Variants in FLT1 observed in about 807,000 individuals in gnomAD.
The protein encoded by FLT1 is fms related receptor tyrosine kinase 1.
In FLT1, 49 loss-of-function variants were observed where a neutral mutation model predicts 156.3. The observed-to-expected ratio is 0.31, with a 90% CI of 0.25 to 0.40. FLT1 has a LOEUF of 0.40. Among genes scored for constraint, FLT1 ranks in the 10% least tolerant of loss-of-function variants. FLT1 has a pLI of 1.00. For synonymous variants in FLT1, 594 were observed against 583.8 expected, an observed-to-expected ratio of 1.02 and a Z score of -0.25; for missense variants, 1,322 against 1,637.2, an observed-to-expected ratio of 0.81 and a Z score of 3.32.
chr13:28,328,748 T>A (rs1871798418), intron 19 of FLT1, among the ~76,000 whole-genome samples: 1 of 152,234 alleles, frequency 6.6e-6, no homozygotes, highest in Non-Finnish European at 1.5e-5. Context: ...GGCGCCCAGC[T>A]GCACGGAGCT....
chr13:28,468,788 G>T (rs1376163418), intron 1 of FLT1, among the ~76,000 whole-genome samples: 9 of 152,176 alleles, frequency 5.9e-5, no homozygotes, highest in Non-Finnish European at 1.2e-4. Context: ...TCACTGGAAG[G>T]CAAGCAGATG....
chr13:28,325,374 G>A (rs1277865310), intron 20 of FLT1, among the ~76,000 whole-genome samples: 2 of 152,148 alleles, frequency 1.3e-5, no homozygotes, highest in African/African-American at 4.8e-5. Flanking sequence ...CAGTGGAGGA[G>A]GAGTCAAGAG....
rs116043366 is a variant in FLT1 at position 28,310,639 on chromosome 13, A to G, written c.3635+951T>C. 7.7e-3 allele frequency among the ~76,000 whole-genome samples: 1,174 copies of G among 152,312 alleles called. 20 individuals carry two copies. The highest frequency in any genetic ancestry group is 0.026 in the African/African-American group (1,082 of 41,556). On this transcript the variant is annotated intron_variant, in intron 27 of 29. Coordinates refer to ENST00000282397, the MANE Select transcript of FLT1 (RefSeq NM_002019.4). ...CCCGGGCCAGCAGTGGCCACAGTACATATTTGTTCCCTTGCCTTGCCCCTT... is the reference window on the plus strand; with the variant it reads ...CCCGGGCCAGCAGTGGCCACAGTACGTATTTGTTCCCTTGCCTTGCCCCTT...
At chr13:28,368,011 G>C (rs563648237) in intron 14 of FLT1, 5 of 252,936 alleles carry the variant, frequency 2.0e-5, no homozygotes, top group Non-Finnish European at 3.1e-5. Context: ...TATTATGTTT[G>C]TTTTTCAAAG....
Position 28,357,572 on chromosome 13 carries a change from C to T in FLT1, c.2230G>A (p.Ala744Thr), listed in dbSNP as rs768899870. ...TGTTTACCTTGAACAGTGAGGTATG[C>T]TGAACTTTCCACAGAGCCCTTCTGG... ...TNQKGSVESS[A>T]YLTVQGTSDK... is the part of the protein sequence containing the mutation. The change falls in exon 15 of 30, where the codon GCA becomes ACA. Residue 744 changes from alanine (A) to threonine (T), a missense_variant. Coordinates refer to ENST00000282397, the MANE Select transcript of FLT1 (RefSeq NM_002019.4). 1 of 1,614,128 alleles carries T rather than the reference C, an allele frequency of 6.2e-7. No individual in the cohort carries two copies. The highest frequency in any genetic ancestry group is 8.5e-7 in the Non-Finnish European group (1 of 1,179,974).
rs1328982707 is a variant in FLT1 at position 28,386,210 on chromosome 13, C to T, written c.1970-1179G>A. 7 of 1,053,854 alleles carry T rather than the reference C, an allele frequency of 6.6e-6. No homozygotes were observed. The African/African-American group carries it at 8.3e-5, about 12-fold the overall frequency. The allele number at this position is 1,053,854 out of a possible 1,614,324, so 65.3% of individuals were successfully genotyped here. ...ATTGCAATGGCCTTAATTCCATGTC[C>T]CTGCAGGGTTCTGCCACGTCCCAAA... On this transcript the variant is annotated intron_variant, in intron 13 of 29. Coordinates refer to ENST00000282397, the MANE Select transcript of FLT1 (RefSeq NM_002019.4).
chr13:28,344,752 T>G (rs1872494996), intron 16 of FLT1, among the ~76,000 whole-genome samples: 1 of 151,456 alleles, frequency 6.6e-6, no homozygotes, highest in South Asian at 2.1e-4. Context: ...TTATTTTTAC[T>G]TCCAATATGT....
chr13:28,468,445 C>G (rs970303555), intron 1 of FLT1, among the ~76,000 whole-genome samples: 3 of 152,194 alleles, frequency 2.0e-5, no homozygotes, highest in Non-Finnish European at 4.4e-5. Flanking sequence ...ATCTCTCTTT[C>G]CAGATCTCAG....
At chr13:28,429,939 G>T in intron 8 of FLT1, 111 bp downstream of exon 8, 1 of 820,010 alleles carries the variant, frequency 1.2e-6, no homozygotes, top group Non-Finnish European at 2.2e-6. Context: ...CTCTGGGGCT[G>T]TCTGAGGAAC....
At chr13:28,378,565 A>G (rs1266861117) in intron 14 of FLT1, among the ~76,000 whole-genome samples, 1 of 152,024 alleles carries the variant, frequency 6.6e-6, no homozygotes, top group Non-Finnish European at 1.5e-5. Context: ...TTGGAGGGCT[A>G]CTCACTAACT....
intron 19 of FLT1, 37 bp downstream of exon 19, chr13:28,329,578 A>C (rs773110468): frequency 7.1e-6 from 10 of 1,399,450 alleles, no homozygotes; most frequent in African/African-American, 1.4e-5. Context: ...CAGCCTGTGC[A>C]GGGGGAGACG....
intron 12 of FLT1, among the ~76,000 whole-genome samples, chr13:28,391,267 T>C (rs547248777): frequency 1.3e-5 from 2 of 152,272 alleles, no homozygotes; most frequent in African/African-American, 4.8e-5. Context: ...CTAATCTTTG[T>C]TATAAGAAAA....
chr13:28,348,631 C>G (rs926821555), intron 15 of FLT1, among the ~76,000 whole-genome samples: 5 of 152,014 alleles, frequency 3.3e-5, no homozygotes, highest in East Asian at 3.9e-4. Context: ...GTTTAGGGGC[C>G]GGGCGCGGTG....
In FLT1 at chr13:28,378,380, A is replaced by C. The variant is rs903645140; in HGVS notation, c.2116+6505T>G. On this transcript the variant is annotated intron_variant, in intron 14 of 29. Transcript: ENST00000282397. The stretch of plus-strand genomic sequence containing the variant: ...ATCTTTAAGGGCTGAGAATGAGCAG[A>C]TATTCATTGTTTTAAATACATGTTT... Among the ~76,000 whole-genome samples, 4 of 152,124 alleles carry C rather than the reference A, an allele frequency of 2.6e-5. 1 individual carries two copies. In the South Asian group the frequency reaches 8.3e-4, roughly 31 times the overall value.
intron 28 of FLT1, among the ~76,000 whole-genome samples, chr13:28,307,817 GCTA>G (rs5802472): frequency 0.96 from 146,253 of 151,840 alleles, 70,684 homozygotes; most frequent in East Asian, 1. Flanking sequence ...CGCCCAGGCT[GCTA>G]GAGTGCAGTG....
chr13:28,410,971 T>C (rs1332515218), intron 10 of FLT1, among the ~76,000 whole-genome samples: 4 of 152,078 alleles, frequency 2.6e-5, no homozygotes, highest in Non-Finnish European at 1.5e-5. Flanking sequence ...TTTCCCACCA[T>C]GGGAGAAGTC....
chr13:28,400,915 A>G (rs1226749800), intron 11 of FLT1, among the ~76,000 whole-genome samples: 1 of 152,212 alleles, frequency 6.6e-6, no homozygotes, highest in African/African-American at 2.4e-5. Context: ...AGAAAAAAGC[A>G]GAAGTGCTGA....
chr13:28,345,374 A>T (rs1872526088), intron 16 of FLT1, 71 bp downstream of exon 16: 1 of 896,624 alleles, frequency 1.1e-6, no homozygotes, highest in Non-Finnish European at 1.8e-6. Flanking sequence ...TTGTTTGCCT[A>T]CTCTAGACAT....
chr13:28,367,724 G>A (rs1873352519), intron 14 of FLT1, among the ~76,000 whole-genome samples: 1 of 152,174 alleles, frequency 6.6e-6, no homozygotes, highest in South Asian at 2.1e-4. Context: ...CACAAAAGTG[G>A]CTTGTTGCTC....
Sources: gnomAD v4.1 joint callset for allele counts (sites outside exome capture counted in the v4.1 genomes callset) on GRCh38, gnomAD v4.1.1 for gene constraint, MANE v1.5 for transcripts, NCBI Gene and HGNC (gene_info 2026-07-23, HGNC 2026-07-21) for gene names.